Variants in PCTP observed in about 807,000 individuals in gnomAD.
PCTP encodes the protein phosphatidylcholine transfer protein.
A neutral mutation model predicts 31.0 loss-of-function variants in PCTP; 27 were observed. The observed-to-expected ratio is 0.87, with a 90% CI of 0.64 to 1.20. PCTP has a LOEUF of 1.20. Among genes scored for constraint, PCTP ranks in the 50% most tolerant of loss-of-function variants. PCTP has a pLI of 0.00. For synonymous variants in PCTP, 108 were observed against 101.2 expected (o/e 1.07, Z -0.40); for missense variants, 287 against 268.2 (o/e 1.07, Z -0.49).
intron 3 of PCTP, among the ~76,000 whole-genome samples, chr17:55,788,441 A>T (rs1911829317): frequency 6.6e-6 from 1 of 152,164 alleles, no homozygotes; most frequent in African/African-American, 2.4e-5. Context: ...TATGGGGATT[A>T]TGTTATTTAT....
intron 3 of PCTP, among the ~76,000 whole-genome samples, chr17:55,820,532 C>T (rs7225154): frequency 0.21 from 32,501 of 151,942 alleles, 4,120 homozygotes; most frequent in African/African-American, 0.36. Context: ...ATCTCATTCA[C>T]GAGGATTCTA....
At chr17:55,848,434 A>C in the PCTP span, among the ~76,000 whole-genome samples, 1 of 152,204 alleles carries the variant, frequency 6.6e-6, no homozygotes, top group South Asian at 2.1e-4. Context: ...CAGAGGGAGA[A>C]GAAAGTTTTA....
intron 3 of PCTP, among the ~76,000 whole-genome samples, chr17:55,803,933 C>T (rs1270844786): frequency 6.7e-6 from 1 of 148,556 alleles, no homozygotes; most frequent in Non-Finnish European, 1.5e-5. Flanking sequence ...AGGCAACCGA[C>T]AGAATGGGAG....
At chr17:55,795,485 T>C (rs528500867) in intron 3 of PCTP, among the ~76,000 whole-genome samples, 1 of 152,122 alleles carries the variant, frequency 6.6e-6, no homozygotes, top group East Asian at 1.9e-4. Context: ...TTATACAAGA[T>C]CAATATTTAT....
At chr17:55,757,410 G>T (rs1026267499) in intron 1 of PCTP, among the ~76,000 whole-genome samples, 2 of 150,180 alleles carry the variant, frequency 1.3e-5, no homozygotes, top group Non-Finnish European at 3.0e-5. Context: ...ACTCTGAAAG[G>T]TAAGTAGTAT....
intron 5 of PCTP, among the ~76,000 whole-genome samples, chr17:55,841,627 T>G (rs973140089): frequency 5.3e-5 from 8 of 152,076 alleles, no homozygotes; most frequent in Admixed American, 6.6e-5. Context: ...GGATCTCGGG[T>G]GAATATTCCA....
chr17:55,822,789 A>G, exon 4 of PCTP: 3 of 1,231,448 alleles, frequency 2.4e-6, no homozygotes, highest in Non-Finnish European at 2.0e-6. Context: ...CGGGAAGCTC[A>G]GAATCAGAGA....
chr17:55,850,467 A>T, the PCTP span, among the ~76,000 whole-genome samples: 2 of 152,330 alleles, frequency 1.3e-5, no homozygotes, highest in African/African-American at 4.8e-5. Context: ...TATCAGTTAA[A>T]TTGGGTTAGG....
chr17:55,774,385 G>A (rs1330086703), intron 4 of PCTP, among the ~76,000 whole-genome samples: 1 of 152,206 alleles, frequency 6.6e-6, no homozygotes, highest in African/African-American at 2.4e-5. Context: ...ACCAGAATGA[G>A]TGTGGCCTTG....
downstream of PCTP, among the ~76,000 whole-genome samples, chr17:55,826,079 T>G (rs554116293): frequency 1.3e-5 from 2 of 152,164 alleles, no homozygotes; most frequent in African/African-American, 4.8e-5. Flanking sequence ...CACAGTTAAG[T>G]GTAAGTAGCA....
intron 3 of PCTP, among the ~76,000 whole-genome samples, chr17:55,811,826 G>T (rs1028047550): frequency 2.6e-5 from 4 of 152,162 alleles, no homozygotes; most frequent in Non-Finnish European, 4.4e-5. Flanking sequence ...TGGCTCCCTT[G>T]TCCTGCTGGT....
intron 3 of PCTP, among the ~76,000 whole-genome samples, chr17:55,819,063 G>A (rs1021933321): frequency 4.9e-5 from 7 of 142,218 alleles, no homozygotes; most frequent in Admixed American, 2.1e-4. Flanking sequence ...GAGGAAAAAC[G>A]GGAAAAAGAA....
intron 5 of PCTP, among the ~76,000 whole-genome samples, chr17:55,834,433 T>C (rs557867241): frequency 2.0e-5 from 3 of 152,026 alleles, no homozygotes; most frequent in African/African-American, 4.8e-5. Flanking sequence ...TCTCAGTCCA[T>C]GTGAGAAAAA....
At chr17:55,764,967 T>A (rs1205060806) in intron 1 of PCTP, among the ~76,000 whole-genome samples, 2 of 152,230 alleles carry the variant, frequency 1.3e-5, no homozygotes, top group African/African-American at 4.8e-5. Context: ...ATTGCCACCG[T>A]ACAGAGAGTG....
At chr17:55,820,420 G>A (rs992982472) in intron 3 of PCTP, among the ~76,000 whole-genome samples, 3 of 152,170 alleles carry the variant, frequency 2.0e-5, no homozygotes, top group Non-Finnish European at 4.4e-5. Flanking sequence ...GCTGCTCTGG[G>A]CTTCCAAAAT....
downstream of PCTP, among the ~76,000 whole-genome samples, chr17:55,782,015 T>C (rs1911581411): frequency 6.6e-6 from 1 of 152,190 alleles, no homozygotes; most frequent in Non-Finnish European, 1.5e-5. Flanking sequence ...GTTGGCAAGC[T>C]GGAGACCCAG....
At chr17:55,753,689 C>G (rs886263555) in intron 1 of PCTP, among the ~76,000 whole-genome samples, 1 of 152,188 alleles carries the variant, frequency 6.6e-6, no homozygotes, top group Non-Finnish European at 1.5e-5. Flanking sequence ...CCATCATTCT[C>G]TCCCATTACC....
chr17:55,811,950 T>C (rs1402476865), intron 3 of PCTP, among the ~76,000 whole-genome samples: 1 of 152,202 alleles, frequency 6.6e-6, no homozygotes, highest in Non-Finnish European at 1.5e-5. Flanking sequence ...ATTCAACCAT[T>C]ATTTACTGAG....
At chr17:55,816,454 T>C (rs1471504657) in intron 3 of PCTP, among the ~76,000 whole-genome samples, 1 of 152,238 alleles carries the variant, frequency 6.6e-6, no homozygotes. Context: ...CAAGGCTATA[T>C]TAGTTACTTG....
Sources: gnomAD v4.1 joint callset for allele counts (sites outside exome capture counted in the v4.1 genomes callset) on GRCh38, gnomAD v4.1.1 for gene constraint, MANE v1.5 for transcripts, NCBI Gene and HGNC (gene_info 2026-07-23, HGNC 2026-07-21) for gene names.